TMEM26: variants seen among roughly 807,000 people sequenced by gnomAD.
The protein encoded by TMEM26 is transmembrane protein 26.
In TMEM26, 38 loss-of-function variants were observed where a neutral mutation model predicts 28.8. That is an observed-to-expected ratio of 1.32 (90% CI 1.02 to 1.73). TMEM26 has a LOEUF of 1.73. Among genes scored for constraint, TMEM26 ranks in the 40% most tolerant of loss-of-function variants. The pLI is 0.00. For missense variants in TMEM26, 518 were observed against 447.1 expected, an observed-to-expected ratio of 1.16 and a Z score of -1.43; for synonymous variants, 227 against 182.9, an observed-to-expected ratio of 1.24 and a Z score of -1.95.
At chr10:61,420,838 G>A (rs745354898) in intron 4 of TMEM26, among the ~76,000 whole-genome samples, 1 of 151,860 alleles carries the variant, frequency 6.6e-6, no homozygotes, top group Non-Finnish European at 1.5e-5. Context: ...AAATCCACAT[G>A]GAGAAATGAA....
intron 5 of TMEM26, among the ~76,000 whole-genome samples, chr10:61,411,403 G>C (rs1839567594): frequency 6.6e-6 from 1 of 152,174 alleles, no homozygotes; most frequent in South Asian, 2.1e-4. Flanking sequence ...ATAAGCTTAA[G>C]AAACGGAGCA....
chr10:61,420,294 T>C (rs1839722367), intron 4 of TMEM26, among the ~76,000 whole-genome samples: 1 of 152,136 alleles, frequency 6.6e-6, no homozygotes, highest in Non-Finnish European at 1.5e-5. Flanking sequence ...TTGAGTTGAC[T>C]GAGAACGAGA....
At chr10:61,444,352 A>G (rs1054778537) in intron 1 of TMEM26, among the ~76,000 whole-genome samples, 2 of 152,214 alleles carry the variant, frequency 1.3e-5, no homozygotes, top group South Asian at 2.1e-4. Flanking sequence ...AGAAAATAAA[A>G]TGCATTATAA....
intron 1 of TMEM26, among the ~76,000 whole-genome samples, chr10:61,448,612 T>G (rs961151958): frequency 3.0e-4 from 44 of 145,796 alleles, no homozygotes; most frequent in Non-Finnish European, 4.4e-4. Context: ...TTGTTTTCTG[T>G]TTTTTTGTTT....
At chr10:61,420,120 C>T (rs1267164281) in intron 4 of TMEM26, among the ~76,000 whole-genome samples, 1 of 152,056 alleles carries the variant, frequency 6.6e-6, no homozygotes, top group Non-Finnish European at 1.5e-5. Flanking sequence ...AGTCAATTAA[C>T]ACATATTTTG....
At chr10:61,412,361 A>T (rs1480590153) in intron 5 of TMEM26, among the ~76,000 whole-genome samples, 1 of 152,108 alleles carries the variant, frequency 6.6e-6, no homozygotes, top group East Asian at 1.9e-4. Flanking sequence ...CCAAATTGTT[A>T]ATAATTCCAA....
chr10:61,446,854 T>TAAAAAAAAAAAAA (rs1840191839), intron 1 of TMEM26, among the ~76,000 whole-genome samples: 16 of 78,362 alleles, frequency 2.0e-4, no homozygotes, highest in East Asian at 1.1e-3. Flanking sequence ...AAAAAAAAAT[T>TAAAAAAAAAAAAA]AAAAATGCTT....
intron 5 of TMEM26, among the ~76,000 whole-genome samples, chr10:61,411,996 C>T (rs1782187429): frequency 6.6e-6 from 1 of 152,118 alleles, no homozygotes; most frequent in South Asian, 2.1e-4. Context: ...TTCTTAAATA[C>T]AAATTTTCTT....
intron 4 of TMEM26, 23 bp from the exon 5 acceptor site, chr10:61,413,558 A>T (rs1839603461): frequency 1.3e-6 from 2 of 1,580,206 alleles, no homozygotes; most frequent in Non-Finnish European, 1.7e-6. Context: ...CAAAATGTTA[A>T]ATTTGTAATA....
chr10:61,452,920 G>C lies in TMEM26; in HGVS notation c.162C>G (p.Leu54=), dbSNP rs1368501812. 1.9e-6 allele frequency: 3 copies of C among 1,613,808 alleles called. No homozygotes were observed. The highest frequency in any genetic ancestry group is 2.5e-6 in the Non-Finnish European group (3 of 1,179,872). Residue 54 remains leucine (L), a synonymous_variant, in exon 1 of 6, where the codon CTC becomes CTG. Coordinates refer to ENST00000399298, the MANE Select transcript of TMEM26 (RefSeq NM_178505.8). ...TGTAGCCTCTGCCGCGCTTGAACTT[G>C]AGGGTGAGCGCAGTCTCCAGGAAGA... ...LLLFLETALT[L]KFKRGRGYKW...
At position 61,410,252 on chromosome 10, in the gene TMEM26, G is replaced by C; in HGVS notation, c.*70C>G. The C allele has an allele frequency of 6.8e-7, 1 of 1,469,882 alleles. No homozygotes were observed. Among genetic ancestry groups the C allele is most frequent in the Non-Finnish European group, 9.1e-7 (1 of 1,093,264 alleles). The allele number at this position is 1,469,882 out of a possible 1,614,324, so 91.1% of individuals were successfully genotyped here. A position where few individuals can be genotyped will look rare whatever the true frequency, so the allele number is the denominator to read the frequency against. On this transcript the variant is annotated 3_prime_UTR_variant, in exon 6 of 6. Transcript: ENST00000399298. ...ATTATTATACGCCAAGGTTGGAGGAGAAAAAGGATCCTCCCTGTAAGAAGA... is the reference window on the plus strand; with the variant it reads ...ATTATTATACGCCAAGGTTGGAGGACAAAAAGGATCCTCCCTGTAAGAAGA...
chr10:61,422,972 A>G (rs1179375302), intron 4 of TMEM26, among the ~76,000 whole-genome samples: 1 of 152,116 alleles, frequency 6.6e-6, no homozygotes, highest in Non-Finnish European at 1.5e-5. Context: ...CTAAAAATAC[A>G]AGATAAAAGG....
intron 2 of TMEM26, among the ~76,000 whole-genome samples, chr10:61,435,247 T>A (rs1839984879): frequency 6.6e-6 from 1 of 152,174 alleles, no homozygotes; most frequent in Non-Finnish European, 1.5e-5. Flanking sequence ...AGTGGTACAA[T>A]CTCGGCTCAC....
In TMEM26 at chr10:61,410,150, G is replaced by T; in HGVS notation, c.*172C>A. ...GTTGTAGCAATAGTCACTAATCAAA[G>T]TTCCTTCTATTCAGTTGAAAAAAGA... On this transcript the variant is annotated 3_prime_UTR_variant, in exon 6 of 6. Transcript: ENST00000399298. 3.0e-6 allele frequency: 2 copies of T among 656,556 alleles called. No homozygotes were observed. Among genetic ancestry groups the T allele is most frequent in the Non-Finnish European group, 5.1e-6 (2 of 391,460 alleles). 40.7% of individuals were successfully genotyped at this position (656,556 alleles called of 1,614,324 possible).
Position 61,449,248 on chromosome 10 carries a change from T to C in TMEM26, c.191+3643A>G, listed in dbSNP as rs566645900. Reference sequence around the variant, plus strand: ...CTCTATTCTATAGGATTCCAACAAATTAAATATTAGGTGAAAAAAAAGCAA... The same window carrying C: ...CTCTATTCTATAGGATTCCAACAAACTAAATATTAGGTGAAAAAAAAGCAA... On this transcript the variant is annotated intron_variant, in intron 1 of 5. Coordinates refer to ENST00000399298, the MANE Select transcript of TMEM26 (RefSeq NM_178505.8). Among the ~76,000 whole-genome samples the C allele has an allele frequency of 1.9e-4, 29 of 151,376 alleles. No individual in the cohort carries two copies. The South Asian group carries it at 6.1e-3, about 32-fold the overall frequency.
At chr10:61,444,810 C>A (rs1390474708) in intron 1 of TMEM26, among the ~76,000 whole-genome samples, 3 of 152,004 alleles carry the variant, frequency 2.0e-5, no homozygotes, top group Non-Finnish European at 2.9e-5. Flanking sequence ...GATTACCAAG[C>A]TTTCCATCCT....
intron 4 of TMEM26, among the ~76,000 whole-genome samples, chr10:61,419,293 A>G (rs571515605): frequency 6.6e-6 from 1 of 152,230 alleles, no homozygotes; most frequent in African/African-American, 2.4e-5. Context: ...CTAACTTACA[A>G]TCAAGAGGAA....
chr10:61,442,460 T>C (rs901688390), intron 1 of TMEM26, among the ~76,000 whole-genome samples: 2 of 152,214 alleles, frequency 1.3e-5, no homozygotes, highest in South Asian at 4.1e-4. Flanking sequence ...CTTCTGATCA[T>C]ATGTATATAT....
intron 2 of TMEM26, among the ~76,000 whole-genome samples, chr10:61,432,753 T>C (rs1163478958): frequency 6.6e-6 from 1 of 152,100 alleles, no homozygotes; most frequent in Non-Finnish European, 1.5e-5. Context: ...GAAAAGAAAG[T>C]CTGCAAGAAG....
Sources: allele counts gnomAD v4.1 joint callset (sites outside exome capture counted in the v4.1 genomes callset), GRCh38; gene constraint gnomAD v4.1.1; transcripts MANE v1.5; gene names NCBI Gene and HGNC (gene_info 2026-07-23, HGNC 2026-07-21).